Variants in SORCS3 observed in about 807,000 individuals in gnomAD.
SORCS3 encodes sortilin related VPS10 domain containing receptor 3, also known as VPS10 domain-containing receptor SorCS3.
SORCS3 carries 57 observed loss-of-function variants against 146.3 expected under a neutral mutation model. That is an observed-to-expected ratio of 0.39 (90% CI 0.31 to 0.49). SORCS3 has a LOEUF of 0.49. Among genes scored for constraint, SORCS3 ranks in the 20% least tolerant of loss-of-function variants. SORCS3 has a pLI of 0.92. For synonymous variants in SORCS3, 653 were observed against 618.5 expected (o/e 1.06, Z -0.83); for missense variants, 1,341 against 1,575.5 (o/e 0.85, Z 2.52).
intron 3 of SORCS3, among the ~76,000 whole-genome samples, chr10:104,921,893 G>A (rs1488857483): frequency 6.6e-6 from 1 of 152,066 alleles, no homozygotes; most frequent in Non-Finnish European, 1.5e-5. Flanking sequence ...TAGTGTTAGA[G>A]GATTAGCAGT....
At chr10:105,169,084 C>T (rs1564773822) in intron 13 of SORCS3, among the ~76,000 whole-genome samples, 1 of 152,106 alleles carries the variant, frequency 6.6e-6, no homozygotes. Flanking sequence ...TCATTTAATG[C>T]TTGCCCAACC....
At chr10:104,929,698 A>T (rs35683903) in intron 3 of SORCS3, among the ~76,000 whole-genome samples, 1,822 of 152,314 alleles carry the variant, frequency 0.012, 9 homozygotes, top group Non-Finnish European at 0.018. Context: ...CTCAATCAAC[A>T]GGTCCATCAA....
intron 13 of SORCS3, among the ~76,000 whole-genome samples, chr10:105,177,278 A>G (rs1432199793): frequency 6.6e-6 from 1 of 152,204 alleles, no homozygotes; most frequent in African/African-American, 2.4e-5. Flanking sequence ...ATGATAGAGG[A>G]TGAAGAAACT....
Position 104,910,770 on chromosome 10 carries a change from C to T in SORCS3, c.696-5063C>T, listed in dbSNP as rs373162609. On this transcript the variant is annotated intron_variant, in intron 2 of 26. Transcript: ENST00000369701. The stretch of plus-strand genomic sequence containing the variant: ...AGAGACACACATGTGTGTGCACACA[C>T]ACGTGACAGTGGAGTGGGGTTGGGG... Among the ~76,000 whole-genome samples the T allele has an allele frequency of 8.7e-4, 132 of 152,358 alleles. 3 individuals carry two copies. In the South Asian group the frequency reaches 0.026, roughly 30 times the overall value.
chr10:104,739,148 G>A (rs566311887), intron 1 of SORCS3, among the ~76,000 whole-genome samples: 1 of 152,286 alleles, frequency 6.6e-6, no homozygotes, highest in Admixed American at 6.5e-5. Context: ...TTTTGTCTCT[G>A]CTGCCAGCTG....
intron 20 of SORCS3, among the ~76,000 whole-genome samples, chr10:105,244,660 A>G (rs539057721): frequency 3.6e-4 from 55 of 152,290 alleles, no homozygotes; most frequent in African/African-American, 5.8e-4. Flanking sequence ...TTTTTTGTGT[A>G]TTTTCCAACC....
In SORCS3 at chr10:105,220,403, G is replaced by T. The variant is rs182468138; in HGVS notation, c.2735-2713G>T. Among the ~76,000 whole-genome samples the T allele has an allele frequency of 3.5e-3, 539 of 152,242 alleles. 4 individuals carry two copies. The highest frequency in any genetic ancestry group is 0.013 in the African/African-American group (520 of 41,532). ...AGGGGGTCTCCTTTTATCTTCTTGGGTATCAGAGGATCTGACACTGTCAGC... is the reference window on the plus strand; with the variant it reads ...AGGGGGTCTCCTTTTATCTTCTTGGTTATCAGAGGATCTGACACTGTCAGC... On this transcript the variant is annotated intron_variant, in intron 19 of 26. Coordinates refer to ENST00000369701, the MANE Select transcript of SORCS3 (RefSeq NM_014978.3).
chr10:104,655,511 G>T (rs182447598), intron 1 of SORCS3, among the ~76,000 whole-genome samples: 1 of 152,034 alleles, frequency 6.6e-6, no homozygotes, highest in Non-Finnish European at 1.5e-5. Context: ...GTGGTATTTG[G>T]TTTCTTTTTC....
intron 1 of SORCS3, among the ~76,000 whole-genome samples, chr10:104,743,557 T>A (rs1425197517): frequency 2.0e-5 from 3 of 152,148 alleles, no homozygotes; most frequent in Non-Finnish European, 4.4e-5. Context: ...GGCATTCACC[T>A]TCTGCTAGGG....
intron 16 of SORCS3, among the ~76,000 whole-genome samples, chr10:105,204,084 A>T: frequency 6.6e-6 from 1 of 152,000 alleles, no homozygotes. Flanking sequence ...GGGAGAGGCG[A>T]GGGGGAGCCT....
intron 2 of SORCS3, among the ~76,000 whole-genome samples, chr10:104,912,017 T>TA (rs1406258426): frequency 3.3e-5 from 5 of 152,212 alleles, no homozygotes; most frequent in African/African-American, 9.7e-5. Context: ...CTGCCTCTGA[T>TA]AAAAAATTCC....
At chr10:104,884,765 C>G (rs535090261) in intron 2 of SORCS3, among the ~76,000 whole-genome samples, 1 of 151,734 alleles carries the variant, frequency 6.6e-6, no homozygotes, top group African/African-American at 2.4e-5. Context: ...TTTGAATTCT[C>G]ATAGATAGCT....
intron 3 of SORCS3, among the ~76,000 whole-genome samples, chr10:104,919,316 C>T (rs753875314): frequency 5.9e-5 from 9 of 152,012 alleles, no homozygotes; most frequent in Non-Finnish European, 1.0e-4. Context: ...AACATACAGA[C>T]ATTTTCTTCA....
chr10:105,245,937 G>T (rs2056863687), intron 21 of SORCS3, among the ~76,000 whole-genome samples: 1 of 152,126 alleles, frequency 6.6e-6, no homozygotes, highest in African/African-American at 2.4e-5. Flanking sequence ...ACAAATTGAA[G>T]GAAATGCAAG....
intron 5 of SORCS3, among the ~76,000 whole-genome samples, chr10:105,069,719 C>A (rs2055545219): frequency 6.6e-6 from 1 of 152,142 alleles, no homozygotes; most frequent in Non-Finnish European, 1.5e-5. Context: ...GTGATACTTT[C>A]CAGCAGGGAG....
At chr10:104,973,662 A>G (rs1242686066) in intron 3 of SORCS3, among the ~76,000 whole-genome samples, 2 of 150,756 alleles carry the variant, frequency 1.3e-5, no homozygotes, top group African/African-American at 5.0e-5. Flanking sequence ...GGATTCATTA[A>G]TTTTTTGAAG....
chr10:105,137,181 A>G (rs1016943395), intron 7 of SORCS3, among the ~76,000 whole-genome samples: 5 of 152,014 alleles, frequency 3.3e-5, no homozygotes, highest in Non-Finnish European at 5.9e-5. Context: ...CTTTTAATTG[A>G]TGATCTCTGG....
chr10:105,146,352 C>A (rs944364581), intron 8 of SORCS3, among the ~76,000 whole-genome samples: 1 of 151,820 alleles, frequency 6.6e-6, no homozygotes, highest in Non-Finnish European at 1.5e-5. Context: ...CAGAGCAAGA[C>A]CCTGTCTTTA....
intron 2 of SORCS3, among the ~76,000 whole-genome samples, chr10:104,909,922 GA>G (rs1459127902): frequency 6.6e-6 from 1 of 151,884 alleles, no homozygotes; most frequent in Non-Finnish European, 1.5e-5. Context: ...ACTCCTGACT[GA>G]AATTGTCAGT....
Sources: gnomAD v4.1 joint callset for allele counts (sites outside exome capture counted in the v4.1 genomes callset) on GRCh38, gnomAD v4.1.1 for gene constraint, MANE v1.5 for transcripts, NCBI Gene and HGNC (gene_info 2026-07-23, HGNC 2026-07-21) for gene names.